USP37: variants seen among roughly 807,000 people sequenced by gnomAD.
USP37 encodes the protein ubiquitin specific peptidase 37.
USP37 carries 27 observed loss-of-function variants against 124.0 expected under a neutral mutation model. That is an observed-to-expected ratio of 0.22 (90% confidence interval 0.16 to 0.30). USP37 has a LOEUF of 0.30. Among genes scored for constraint, USP37 ranks in the 10% least tolerant of loss-of-function variants. The pLI is 1.00. For missense variants in USP37, 889 were observed against 1,140.4 expected, an observed-to-expected ratio of 0.78 and a Z score of 3.17; for synonymous variants, 365 against 388.0, an observed-to-expected ratio of 0.94 and a Z score of 0.70.
intron 9 of USP37, among the ~76,000 whole-genome samples, chr2:218,531,312 T>G (rs1691307090): frequency 1.3e-5 from 2 of 152,232 alleles, no homozygotes. Context: ...CTAATTCTAC[T>G]TGCCTGTGCT....
intron 10 of USP37, among the ~76,000 whole-genome samples, chr2:218,525,235 C>T (rs1452284685): frequency 1.3e-5 from 2 of 152,190 alleles, no homozygotes; most frequent in Non-Finnish European, 2.9e-5. Context: ...AATCCCAGCA[C>T]TTTGGGAGGC....
At chr2:218,462,144 T>G in intron 22 of USP37, among the ~76,000 whole-genome samples, 1 of 149,848 alleles carries the variant, frequency 6.7e-6, no homozygotes, top group African/African-American at 2.5e-5. Context: ...GCAACAAGAG[T>G]GAAACTCTGT....
chr2:218,503,482 G>A (rs558023963), intron 11 of USP37, among the ~76,000 whole-genome samples: 16 of 152,304 alleles, frequency 1.1e-4, no homozygotes, highest in South Asian at 2.1e-4. Context: ...TTTGGAGGCC[G>A]AGGCGGGCAG....
intron 10 of USP37, 130 bp downstream of exon 10, chr2:218,529,826 A>G (rs1321327211): frequency 1.2e-5 from 8 of 655,428 alleles, no homozygotes; most frequent in African/African-American, 9.1e-5. Context: ...TCAGGATTCT[A>G]TGAGTCTCGT....
intron 16 of USP37, 95 bp downstream of exon 16, chr2:218,485,569 T>C: frequency 5.3e-6 from 7 of 1,315,294 alleles, no homozygotes; most frequent in South Asian, 1.5e-5. Context: ...CAGTAATATT[T>C]GTATGAACTT....
At chr2:218,489,457 C>T (rs552370058) in intron 14 of USP37, among the ~76,000 whole-genome samples, 101 of 151,924 alleles carry the variant, frequency 6.6e-4, no homozygotes, top group Middle Eastern at 3.4e-3. Flanking sequence ...CAATCACTAC[C>T]CTCCTTCCTT....
intron 4 of USP37, among the ~76,000 whole-genome samples, chr2:218,556,509 T>TTG (rs1167124621): frequency 9.9e-5 from 13 of 131,316 alleles, no homozygotes; most frequent in African/African-American, 3.4e-4. Context: ...TTCTGTTTTT[T>TTG]TTTTTTTTTT....
rs772782473 is a variant in USP37, at chr2:218,474,788, T to C, written c.2141A>G (p.Glu714Gly). ...SEEELLAAVLEISKRDASPSL... is the reference protein window; with the variant it reads ...SEEELLAAVLGISKRDASPSL... ...TGGTGAAGCATCTCTCTTACTTATC[T>C]CCAAGACAGCTGCTAGAAGCTCTTC... The change falls in exon 20 of 26, where the codon GAG becomes GGG. Residue 714 changes from glutamate (E) to glycine (G), a missense_variant. Transcript: ENST00000258399. 6.2e-7 allele frequency: 1 copy of C among 1,614,152 alleles called. No individual in the cohort carries two copies. Among genetic ancestry groups the C allele is most frequent in the Non-Finnish European group, 8.5e-7 (1 of 1,180,022 alleles).
chr2:218,489,227 G>A (rs549998596), intron 14 of USP37, among the ~76,000 whole-genome samples: 23 of 150,578 alleles, frequency 1.5e-4, no homozygotes, highest in Admixed American at 2.6e-4. Context: ...GCGAGGTGGC[G>A]CGTGCCTGTA....
intron 8 of USP37, among the ~76,000 whole-genome samples, chr2:218,543,111 A>G (rs1392001324): frequency 6.6e-6 from 1 of 152,160 alleles, no homozygotes. Flanking sequence ...AATTAAGGAT[A>G]CTGGTCTGTG....
At chr2:218,519,882 C>A (rs1233432496) in intron 10 of USP37, among the ~76,000 whole-genome samples, 2 of 151,786 alleles carry the variant, frequency 1.3e-5, no homozygotes, top group Admixed American at 6.6e-5. Context: ...GGATTACAGG[C>A]GTGAGCCACC....
chr2:218,537,055 C>T (rs767682442), intron 8 of USP37, among the ~76,000 whole-genome samples: 1 of 152,010 alleles, frequency 6.6e-6, no homozygotes, highest in Non-Finnish European at 1.5e-5. Flanking sequence ...CGTAATATAA[C>T]TAAAAAAATT....
At chr2:218,513,878 C>T (rs1036335129) in intron 10 of USP37, among the ~76,000 whole-genome samples, 10 of 152,118 alleles carry the variant, frequency 6.6e-5, no homozygotes, top group South Asian at 2.1e-4. Context: ...GGCGCCATCG[C>T]GGCTCACGGC....
At chr2:218,493,594 C>T (rs1004298741) in intron 14 of USP37, among the ~76,000 whole-genome samples, 1 of 152,168 alleles carries the variant, frequency 6.6e-6, no homozygotes, top group Non-Finnish European at 1.5e-5. Flanking sequence ...CCTCAGCCTC[C>T]CTAGTAGCTG....
chr2:218,559,698 T>C lies in USP37; in HGVS notation c.-24-1021A>G, dbSNP rs575234191. ...TGGCTGGGTGCTTGTCAGGCAATAT[T>C]TGAAAACTAAAAAGAAAAAATGGCC... On this transcript the variant is annotated intron_variant, in intron 3 of 25. Transcript: ENST00000258399. 7.2e-5 allele frequency among the ~76,000 whole-genome samples: 11 copies of C among 152,258 alleles called. No homozygotes were observed. The East Asian group carries it at 2.1e-3, about 29-fold the overall frequency.
intron 10 of USP37, among the ~76,000 whole-genome samples, chr2:218,520,030 C>G (rs1360558260): frequency 6.6e-6 from 1 of 152,032 alleles, no homozygotes; most frequent in Non-Finnish European, 1.5e-5. Context: ...CTCTGCCTCC[C>G]GGGTTCAAGC....
intron 11 of USP37, among the ~76,000 whole-genome samples, chr2:218,505,591 T>C (rs564713026): frequency 4.6e-5 from 7 of 152,314 alleles, no homozygotes; most frequent in African/African-American, 1.7e-4. Context: ...CCTCCTTTCA[T>C]TGAGTTTCTT....
intron 10 of USP37, among the ~76,000 whole-genome samples, 156 bp from the exon 11 acceptor site, chr2:218,510,296 G>A (rs1007107364): frequency 2.0e-5 from 3 of 152,138 alleles, no homozygotes; most frequent in East Asian, 1.9e-4. Context: ...CTCTACAAAC[G>A]TAAATTAGCA....
At chr2:218,456,018 C>A (rs936771752) in intron 24 of USP37, among the ~76,000 whole-genome samples, 5 of 152,092 alleles carry the variant, frequency 3.3e-5, no homozygotes, top group African/African-American at 1.2e-4. Context: ...TGCACTCCAG[C>A]CTGGGTGACA....
Sources: gnomAD v4.1 joint callset for allele counts (sites outside exome capture counted in the v4.1 genomes callset) on GRCh38, gnomAD v4.1.1 for gene constraint, MANE v1.5 for transcripts, NCBI Gene and HGNC (gene_info 2026-07-23, HGNC 2026-07-21) for gene names.